The following PIK3R6 variants were observed in gnomAD, a reference collection of about 807,000 sequenced individuals.
PIK3R6 encodes phosphoinositide-3-kinase regulatory subunit 6.
A neutral mutation model predicts 84.9 loss-of-function variants in PIK3R6; 91 were observed. That is an observed-to-expected ratio of 1.07 (90% CI 0.90 to 1.28). The LOEUF (loss-of-function observed/expected upper bound fraction) is 1.28. Among genes scored for constraint, PIK3R6 ranks in the 50% most tolerant of loss-of-function variants. PIK3R6 has a pLI of 0.00. For synonymous variants in PIK3R6, 416 were observed against 411.4 expected, an observed-to-expected ratio of 1.01 and a Z score of -0.13; for missense variants, 996 against 985.1, an observed-to-expected ratio of 1.01 and a Z score of -0.15.
Position 8,828,914 on chromosome 17 carries a change from C to G in PIK3R6, c.966G>C (p.Gln322His). 1.9e-6 allele frequency: 3 copies of G among 1,540,434 alleles called. No homozygotes were observed. The highest frequency in any genetic ancestry group is 2.6e-6 in the Non-Finnish European group (3 of 1,144,678). Reference protein sequence around the residue: ...LSADLEVLDLQGLRPDRELAR... With the variant: ...LSADLEVLDLHGLRPDRELAR... ...CCAACTCCCGGTCCGGCCGGAGGCC[C>G]TGCAGATCCAAGACCTCCAAGTCAG... The change falls in exon 11 of 20, where the codon CAG (glutamine) becomes CAC (histidine). Residue 322 changes from glutamine (Q) to histidine (H), a missense_variant. Transcript: ENST00000619866.
At chr17:8,843,565 G>A (rs1030823138) in intron 2 of PIK3R6, among the ~76,000 whole-genome samples, 1 of 152,016 alleles carries the variant, frequency 6.6e-6, no homozygotes, top group Non-Finnish European at 1.5e-5. Flanking sequence ...TGTCTGGGTA[G>A]CTAAAACAAA....
intron 13 of PIK3R6, among the ~76,000 whole-genome samples, chr17:8,823,750 T>C (rs2087822637): frequency 6.6e-6 from 1 of 152,192 alleles, no homozygotes; most frequent in Non-Finnish European, 1.5e-5. Context: ...CTGCTATGTG[T>C]GAGGCACTGT....
At chr17:8,827,928 A>AC (rs1280669750) in intron 12 of PIK3R6, among the ~76,000 whole-genome samples, 184 bp downstream of exon 12, 1 of 151,904 alleles carries the variant, frequency 6.6e-6, no homozygotes, top group Non-Finnish European at 1.5e-5. Flanking sequence ...GCCACATGCA[A>AC]CCCCCAGAGC....
intron 1 of PIK3R6, among the ~76,000 whole-genome samples, chr17:8,866,231 T>C (rs1211359544): frequency 2.0e-5 from 3 of 151,988 alleles, no homozygotes; most frequent in Admixed American, 6.6e-5. Flanking sequence ...GAAAACCACA[T>C]AGAGCTAAAT....
chr17:8,809,164 G>GA (rs1231351850), intron 18 of PIK3R6, among the ~76,000 whole-genome samples: 1 of 151,768 alleles, frequency 6.6e-6, no homozygotes, highest in African/African-American at 2.4e-5. Context: ...TCTTCTTAAA[G>GA]AAAAAAAGAT....
rs770152556 is a variant in PIK3R6, at chr17:8,862,734, C to T, written c.-92+4795G>A. Among the ~76,000 whole-genome samples the T allele has an allele frequency of 2.0e-5, 3 of 152,270 alleles. No homozygotes were observed. The highest frequency in any genetic ancestry group is 1.9e-4 in the East Asian group (1 of 5,182). ...ATCTAAAAATTCCTCTCCCTCCCCC[C>T]GTAGCGCAAGAATACGACATTACAG... On this transcript the variant is annotated intron_variant, in intron 1 of 19. Coordinates refer to ENST00000619866, the MANE Select transcript of PIK3R6 (RefSeq NM_001010855.4). The surrounding 1 kb of genome is among the most constrained non-coding windows in gnomAD (Gnocchi z 4.3).
rs770457947 is a variant in PIK3R6 at position 8,836,799 on chromosome 17, G to A, written c.383C>T (p.Ala128Val). ...TGCCCAGTGACTCTTACCTGGGACA[G>A]CCATCTCCGTTTTCAGCCTTATCGC... ...DCAIRLKTEM[A>V]VPGTLYQRMV... The change falls in exon 6 of 20, where the codon GCT becomes GTT. Residue 128 changes from alanine to valine, a missense_variant. Coordinates refer to ENST00000619866, the MANE Select transcript of PIK3R6 (RefSeq NM_001010855.4). 1.7e-5 allele frequency: 27 copies of A among 1,609,326 alleles called. No individual in the cohort carries two copies. Among genetic ancestry groups the A allele is most frequent in the Non-Finnish European group, 2.2e-5 (26 of 1,177,902 alleles).
At chr17:8,817,189 G>A (rs2087568406) in intron 18 of PIK3R6, among the ~76,000 whole-genome samples, 1 of 152,138 alleles carries the variant, frequency 6.6e-6, no homozygotes, top group Non-Finnish European at 1.5e-5. Flanking sequence ...ATGTAGTGTA[G>A]CTATCAATTA....
chr17:8,819,703 C>G (rs908395059), intron 17 of PIK3R6, among the ~76,000 whole-genome samples: 12 of 145,976 alleles, frequency 8.2e-5, no homozygotes, highest in African/African-American at 3.1e-4. Flanking sequence ...CACACACACA[C>G]ACACATATAT....
chr17:8,812,180 C>T (rs930931114), intron 18 of PIK3R6, among the ~76,000 whole-genome samples: 5 of 152,152 alleles, frequency 3.3e-5, no homozygotes, highest in African/African-American at 1.2e-4. Flanking sequence ...AAGAACAGCA[C>T]AGGAAAGACC....
In PIK3R6 at chr17:8,842,320, G is replaced by T. The variant is rs970137300; in HGVS notation, c.14-2623C>A. On this transcript the variant is annotated intron_variant, in intron 2 of 19. Coordinates refer to ENST00000619866, the MANE Select transcript of PIK3R6 (RefSeq NM_001010855.4). This position sits in a 1 kb window ranked among gnomAD's most constrained non-coding sequence, Gnocchi z 4.5. ...CAGCCAAAATACACGGTATGGTAGT[G>T]GTTCTAAAGCAGGACCTTCCCCAGG... 6.6e-6 allele frequency among the ~76,000 whole-genome samples: 1 copy of T among 152,142 alleles called. No individual in the cohort carries two copies. The highest frequency in any genetic ancestry group is 2.4e-5 in the African/African-American group (1 of 41,428).
At chr17:8,858,310 CTTTTTTTTT>C (rs752142944) in intron 1 of PIK3R6, among the ~76,000 whole-genome samples, 1 of 95,512 alleles carries the variant, frequency 1.0e-5, no homozygotes, top group African/African-American at 4.2e-5. Context: ...CTCAATTAAT[CTTTTTTTTT>C]TTTTTTTTTT....
At position 8,867,620 on chromosome 17, in the gene PIK3R6, T is replaced by A. The variant is rs1174760900; in HGVS notation, c.-183A>T. 2.0e-6 allele frequency: 1 copy of A among 506,750 alleles called. No homozygotes were observed. The highest frequency in any genetic ancestry group is 4.0e-6 in the Non-Finnish European group (1 of 252,008). 31.4% of individuals were successfully genotyped at this position (506,750 alleles called of 1,614,324 possible). A position where few individuals can be genotyped will look rare whatever the true frequency, so the allele number is the denominator to read the frequency against. ...GTCCCCAGTCCCAGAGAAGCAGATG[T>A]CTTGGGGGAGCCTCCACGGGTGTCT... On this transcript the variant is annotated 5_prime_UTR_variant, in exon 1 of 20. Coordinates refer to ENST00000619866, the MANE Select transcript of PIK3R6 (RefSeq NM_001010855.4).
At position 8,822,985 on chromosome 17, in the gene PIK3R6, C is replaced by T. The variant is rs1472965171; in HGVS notation, c.1717+11G>A. The T allele has an allele frequency of 6.3e-7, 1 of 1,582,536 alleles. No individual in the cohort carries two copies. The highest frequency in any genetic ancestry group is 2.2e-5 in the East Asian group (1 of 44,736). On this transcript the variant is annotated intron_variant, in intron 15 of 19. Coordinates refer to ENST00000619866, the MANE Select transcript of PIK3R6 (RefSeq NM_001010855.4). ...AGGGTGACCTTTGGCAAAAGGGAGG[C>T]AGATGCTTACCTTTGGGGAATTTAG...
At chr17:8,840,567 TC>T (rs2088644089) in intron 2 of PIK3R6, among the ~76,000 whole-genome samples, 1 of 147,440 alleles carries the variant, frequency 6.8e-6, no homozygotes, top group South Asian at 2.1e-4. Context: ...ATATACAGTC[TC>T]CAAATACGTA....
chr17:8,808,862 A>G (rs911425169), intron 18 of PIK3R6, among the ~76,000 whole-genome samples: 5 of 152,314 alleles, frequency 3.3e-5, no homozygotes, highest in East Asian at 1.9e-4. Context: ...AAGAAAGTCT[A>G]TAAGAAAGTG....
chr17:8,821,725 G>T, intron 17 of PIK3R6, 121 bp downstream of exon 17: 1 of 1,090,938 alleles, frequency 9.2e-7, no homozygotes, highest in Non-Finnish European at 1.3e-6. Flanking sequence ...ACCAAGTCCT[G>T]GTCCTGGCTC....
At chr17:8,837,619 A>G (rs2088523382) in intron 5 of PIK3R6, among the ~76,000 whole-genome samples, 184 bp downstream of exon 5, 1 of 152,160 alleles carries the variant, frequency 6.6e-6, no homozygotes, top group African/African-American at 2.4e-5. Context: ...TTGTCTCTCC[A>G]GAGTTCTCTC....
In PIK3R6 at chr17:8,803,858, C is replaced by T; in HGVS notation, c.2108+183G>A. 1 of 612,774 alleles carries T rather than the reference C, an allele frequency of 1.6e-6. No individual in the cohort carries two copies. Among genetic ancestry groups the T allele is most frequent in the Non-Finnish European group, 2.9e-6 (1 of 344,512 alleles). The allele number at this position is 612,774 out of a possible 1,614,324, so 38.0% of individuals were successfully genotyped here. On this transcript the variant is annotated intron_variant, in intron 19 of 19. Transcript: ENST00000619866. The surrounding 1 kb of genome is among the most constrained non-coding windows in gnomAD (Gnocchi z 5.0). ...TGGGTATGCCATTCATTTGCCTCGA[C>T]TTCCTGGATCCAAAGCATAGGGCAG...
Sources: allele counts gnomAD v4.1 joint callset (sites outside exome capture counted in the v4.1 genomes callset), GRCh38; gene constraint gnomAD v4.1.1; non-coding constraint Gnocchi (gnomAD v3.1); transcripts MANE v1.5; gene names NCBI Gene and HGNC (gene_info 2026-07-23, HGNC 2026-07-21).